The following IRAK3 variants were observed in gnomAD, a reference collection of about 807,000 sequenced individuals.
IRAK3 encodes the protein interleukin 1 receptor associated kinase 3.
IRAK3 carries 57 observed loss-of-function variants against 56.6 expected under a neutral mutation model. That is an observed-to-expected ratio of 1.01 (90% confidence interval 0.81 to 1.26). The LOEUF is 1.26. Ranked by LOEUF, IRAK3 falls within the 50% of genes most tolerant of loss-of-function variation. IRAK3 has a pLI of 0.00. For missense variants in IRAK3, 703 were observed against 719.0 expected (o/e 0.98, Z 0.25); for synonymous variants, 258 against 255.7 (o/e 1.01, Z -0.09).
At chr12:66,196,899 T>TGAGAATGG in intron 1 of IRAK3, 2 of 1,524,516 alleles carry the variant, frequency 1.3e-6, no homozygotes, top group African/African-American at 2.8e-5. Flanking sequence ...ACAAGCTTTG[T>TGAGAATGG]GAGAATGGAG....
At position 66,242,774 on chromosome 12, in the gene IRAK3, T is replaced by C. The variant is rs555661569; in HGVS notation, c.888-1712T>C. On this transcript the variant is annotated intron_variant, in intron 8 of 11. Coordinates refer to ENST00000261233, the MANE Select transcript of IRAK3 (RefSeq NM_007199.3). ...AAATAAAGTTTAAAATGTGTCTTTA[T>C]CCTTAAAAGACCGCGGGGTCTGGGC... is the stretch of plus-strand genomic sequence containing the variant. Among the ~76,000 whole-genome samples the C allele has an allele frequency of 2.4e-3, 373 of 152,332 alleles. 1 individual carries two copies. The highest frequency in any genetic ancestry group is 8.6e-3 in the African/African-American group (359 of 41,576).
chr12:66,190,050 G>A lies in IRAK3; in HGVS notation c.133+618G>A, dbSNP rs182679221. On this transcript the variant is annotated intron_variant, in intron 1 of 11. Coordinates refer to ENST00000261233, the MANE Select transcript of IRAK3 (RefSeq NM_007199.3). ...TATTTTATGCAGACATTGGAAAGTT[G>A]AGCAACTGCCTGCTGGAAGTGTTGA... Among the ~76,000 whole-genome samples the A allele has an allele frequency of 2.2e-3, 329 of 152,282 alleles. 2 individuals carry two copies. The highest frequency in any genetic ancestry group is 7.7e-3 in the African/African-American group (321 of 41,558).
chr12:66,245,383 G>A, intron 11 of IRAK3, 121 bp downstream of exon 11: 2 of 1,040,890 alleles, frequency 1.9e-6, no homozygotes, highest in Non-Finnish European at 2.9e-6. Context: ...CTCCAACAGA[G>A]AATTCCAACA....
intron 1 of IRAK3, among the ~76,000 whole-genome samples, chr12:66,190,432 G>A (rs954038421): frequency 2.0e-5 from 3 of 151,988 alleles, no homozygotes; most frequent in African/African-American, 7.2e-5. Context: ...TTTCCAGTGT[G>A]CATTTGAGGG....
At chr12:66,245,964 A>G (rs944790120) in intron 11 of IRAK3, among the ~76,000 whole-genome samples, 1 of 151,918 alleles carries the variant, frequency 6.6e-6, no homozygotes, top group Non-Finnish European at 1.5e-5. Flanking sequence ...CAGACTTTGT[A>G]TTGGGTGCTG....
At chr12:66,204,795 CA>C (rs2052543594) in intron 2 of IRAK3, among the ~76,000 whole-genome samples, 1 of 146,414 alleles carries the variant, frequency 6.8e-6, no homozygotes, top group Admixed American at 6.8e-5. Context: ...CACACACACA[CA>C]CACACACACA....
At chr12:66,200,008 G>A (rs2052491628) in intron 1 of IRAK3, among the ~76,000 whole-genome samples, 1 of 152,124 alleles carries the variant, frequency 6.6e-6, no homozygotes, top group Non-Finnish European at 1.5e-5. Context: ...TATGGAGGAA[G>A]GGCAAAGACA....
chr12:66,194,569 G>A (rs61927092), intron 1 of IRAK3, among the ~76,000 whole-genome samples: 4 of 151,862 alleles, frequency 2.6e-5, no homozygotes, highest in South Asian at 4.2e-4. Context: ...GGTTCACGCC[G>A]GTAATCCCAG....
chr12:66,223,412 C>G (rs1324120157), intron 6 of IRAK3, among the ~76,000 whole-genome samples: 1 of 151,970 alleles, frequency 6.6e-6, no homozygotes, highest in East Asian at 2.0e-4. Context: ...GTAATCCCAG[C>G]ACTTTGGGAG....
chr12:66,210,097 T>C (rs762742210), intron 3 of IRAK3, 50 bp from the exon 4 acceptor site: 3 of 1,220,174 alleles, frequency 2.5e-6, no homozygotes, highest in South Asian at 1.2e-5. Context: ...GGCTCTGTTC[T>C]TTCTAGATGT....
intron 11 of IRAK3, among the ~76,000 whole-genome samples, chr12:66,245,604 C>T (rs987764072): frequency 3.2e-4 from 42 of 133,078 alleles, no homozygotes; most frequent in South Asian, 2.7e-3. Flanking sequence ...GTGGCACGGC[C>T]CACTGCAACC....
Position 66,244,590 on chromosome 12 carries a change from C to A in IRAK3, c.992C>A (p.Thr331Asn), listed in dbSNP as rs755890280. The A allele has an allele frequency of 8.7e-6, 14 of 1,613,712 alleles. No homozygotes were observed. The East Asian group carries it at 3.1e-4, about 36-fold the overall frequency. ...LEHQSCTINM[T>N]SSSSKHLWYM... is the part of the protein sequence containing the mutation. ...CATCAGAGTTGTACCATAAATATGA[C>A]CAGCAGCAGCAGTAAACATCTGTGG... is the stretch of plus-strand genomic sequence containing the variant. The change falls in exon 9 of 12, where the codon ACC becomes AAC. Residue 331 changes from threonine to asparagine, a missense_variant. Coordinates refer to ENST00000261233, the MANE Select transcript of IRAK3 (RefSeq NM_007199.3).
intron 6 of IRAK3, among the ~76,000 whole-genome samples, chr12:66,224,180 C>T (rs1313145635): frequency 6.6e-6 from 1 of 152,186 alleles, no homozygotes; most frequent in East Asian, 1.9e-4. Context: ...CATTAATCCT[C>T]ATGACCATCC....
At chr12:66,194,827 C>A (rs77696884) in intron 1 of IRAK3, among the ~76,000 whole-genome samples, 14 of 132,444 alleles carry the variant, frequency 1.1e-4, no homozygotes, top group Admixed American at 1.5e-4. Context: ...AGACTCCTCT[C>A]AAAAAAAAAA....
chr12:66,215,786 G>GCGCACA (rs1555203499), intron 5 of IRAK3, among the ~76,000 whole-genome samples: 2 of 122,834 alleles, frequency 1.6e-5, no homozygotes, highest in African/African-American at 3.1e-5. Context: ...AACCCAACAT[G>GCGCACA]CACACACACA....
chr12:66,220,950 A>T (rs1404469805), intron 6 of IRAK3, among the ~76,000 whole-genome samples: 1 of 152,218 alleles, frequency 6.6e-6, no homozygotes, highest in Admixed American at 6.5e-5. Flanking sequence ...TGTGTAGCTC[A>T]CTTTGAGTAG....
intron 1 of IRAK3, among the ~76,000 whole-genome samples, chr12:66,194,756 G>C (rs2052434118): frequency 6.6e-6 from 1 of 151,108 alleles, no homozygotes; most frequent in Non-Finnish European, 1.5e-5. Flanking sequence ...TTGAACCTGG[G>C]AGGCCAAGGT....
chr12:66,220,518 T>C (rs1215603837), intron 6 of IRAK3, among the ~76,000 whole-genome samples: 1 of 126,708 alleles, frequency 7.9e-6, no homozygotes, highest in African/African-American at 3.1e-5. Context: ...TTCTTTCTTT[T>C]TTTTTTTTTT....
rs1473282435 is a variant in IRAK3 at position 66,252,956 on chromosome 12, T to C, written c.*4785T>C. The C allele has an allele frequency of 6.6e-6, 1 of 152,204 alleles. No homozygotes were observed. Among genetic ancestry groups the C allele is most frequent in the African/African-American group, 2.4e-5 (1 of 41,450 alleles). The allele number at this position is 152,204 out of a possible 1,614,324, so 9.4% of individuals were successfully genotyped here. Reference sequence around the variant, plus strand: ...CTGAGGCACCTACACAAACCTCAGGTCACTATCACGTGATACTGGAGTTGC... The same window carrying C: ...CTGAGGCACCTACACAAACCTCAGGCCACTATCACGTGATACTGGAGTTGC... On this transcript the variant is annotated 3_prime_UTR_variant, in exon 12 of 12. Transcript: ENST00000261233.
Sources: allele counts gnomAD v4.1 joint callset (sites outside exome capture counted in the v4.1 genomes callset), GRCh38; gene constraint gnomAD v4.1.1; transcripts MANE v1.5; gene names NCBI Gene and HGNC (gene_info 2026-07-23, HGNC 2026-07-21).